Variants in MGAT4C observed in about 807,000 individuals in gnomAD.
MGAT4C encodes alpha-1,3-mannosyl-glycoprotein 4-beta-N-acetylglucosaminyltransferase C.
In MGAT4C, 19 loss-of-function variants were observed where a neutral mutation model predicts 40.1. The observed-to-expected ratio is 0.47, with a 90% CI of 0.33 to 0.70. MGAT4C has a LOEUF of 0.70. Among genes scored for constraint, MGAT4C ranks in the 30% least tolerant of loss-of-function variants. The probability of loss-of-function intolerance (pLI) is 0.02; values close to 1 mark genes in which losing one functional copy is unlikely to be tolerated. For synonymous variants in MGAT4C, 181 were observed against 187.1 expected, an observed-to-expected ratio of 0.97 and a Z score of 0.27; for missense variants, 491 against 563.2, an observed-to-expected ratio of 0.87 and a Z score of 1.30.
rs1228369351 is a variant in MGAT4C at position 85,977,916 on chromosome 12, G to A, written c.*1373C>T. The A allele has an allele frequency of 2.7e-5, 4 of 150,174 alleles. No homozygotes were observed. In the East Asian group the frequency reaches 7.8e-4, roughly 29 times the overall value. 9.3% of individuals were successfully genotyped at this position (150,174 alleles called of 1,614,324 possible). A position where few individuals can be genotyped will look rare whatever the true frequency, so the allele number is the denominator to read the frequency against. ...ATTTCCCTTTATAATAAATCCCTTA[G>A]TTTTTGCTGTTCATTAAAAAACAAA... On this transcript the variant is annotated 3_prime_UTR_variant, in exon 5 of 5. Transcript: ENST00000611864.
At chr12:86,278,088 T>G (rs1208938795) in intron 4 of MGAT4C, among the ~76,000 whole-genome samples, 1 of 152,020 alleles carries the variant, frequency 6.6e-6, no homozygotes, top group Non-Finnish European at 1.5e-5. Flanking sequence ...ATACAGTTTT[T>G]ATTGCAGAGA....
intron 1 of MGAT4C, among the ~76,000 whole-genome samples, chr12:86,136,022 G>T (rs1221653562): frequency 6.6e-6 from 1 of 152,038 alleles, no homozygotes; most frequent in Admixed American, 6.6e-5. Flanking sequence ...AACAACTCAA[G>T]AATTTATATT....
chr12:86,426,994 G>A (rs1956939622), intron 3 of MGAT4C, among the ~76,000 whole-genome samples: 1 of 152,156 alleles, frequency 6.6e-6, no homozygotes. Flanking sequence ...TCACATCTAA[G>A]TATCCTGCTC....
rs572510113 is a variant in MGAT4C at position 86,027,779 on chromosome 12, T to A, written c.-7+21895A>T. ...TTTCAATGCCCCATGGCCCTCATTA[T>A]AGCTTTTACTATAATGTTCCAGAGA... On this transcript the variant is annotated intron_variant, in intron 2 of 4. Coordinates refer to ENST00000611864, the MANE Select transcript of MGAT4C (RefSeq NM_001351288.2). 1.1e-4 allele frequency among the ~76,000 whole-genome samples: 16 copies of A among 152,142 alleles called. No homozygotes were observed. In the South Asian group the frequency reaches 2.7e-3, roughly 26 times the overall value.
chr12:86,019,665 G>A (rs1889461526), intron 2 of MGAT4C, among the ~76,000 whole-genome samples: 1 of 152,124 alleles, frequency 6.6e-6, no homozygotes, highest in Non-Finnish European at 1.5e-5. Flanking sequence ...GATAGACTTG[G>A]CAATGTGGGC....
intron 2 of MGAT4C, among the ~76,000 whole-genome samples, chr12:86,588,860 C>G (rs10776988): frequency 5.3e-5 from 8 of 151,120 alleles, no homozygotes; most frequent in Non-Finnish European, 8.9e-5. Flanking sequence ...CCAACGAGAA[C>G]AAAGACACAA....
At chr12:86,069,948 C>A (rs893959730) in intron 1 of MGAT4C, among the ~76,000 whole-genome samples, 1 of 152,020 alleles carries the variant, frequency 6.6e-6, no homozygotes. Context: ...TATTGCTAAA[C>A]AGTTGCCAAT....
intron 2 of MGAT4C, among the ~76,000 whole-genome samples, chr12:86,472,824 G>A (rs1427967821): frequency 6.6e-6 from 1 of 152,096 alleles, no homozygotes. Context: ...AATTACAGTC[G>A]AGTTAAAAGA....
chr12:86,598,750 G>A (rs1245368643), intron 2 of MGAT4C, among the ~76,000 whole-genome samples: 3 of 151,952 alleles, frequency 2.0e-5, no homozygotes, highest in Non-Finnish European at 2.9e-5. Flanking sequence ...TATTATTCAC[G>A]ATACTAAAAC....
chr12:86,039,191 TGTGTCTTG>T (rs1565895451), intron 2 of MGAT4C, among the ~76,000 whole-genome samples: 1 of 152,188 alleles, frequency 6.6e-6, no homozygotes, highest in African/African-American at 2.4e-5. Flanking sequence ...CTGATGATTA[TGTGTCTTG>T]GGGTTGCTCT....
At chr12:86,606,100 G>A (rs993308043) in intron 2 of MGAT4C, among the ~76,000 whole-genome samples, 3 of 151,872 alleles carry the variant, frequency 2.0e-5, no homozygotes, top group Admixed American at 6.6e-5. Context: ...ATTAGATCTC[G>A]TGAAAACTCA....
intron 1 of MGAT4C, among the ~76,000 whole-genome samples, chr12:86,200,929 G>A (rs1223962139): frequency 6.6e-6 from 1 of 152,178 alleles, no homozygotes; most frequent in Admixed American, 6.5e-5. Flanking sequence ...GGCCATGTGA[G>A]GACATGGTGA....
chr12:86,078,292 G>A (rs1455792182), intron 1 of MGAT4C, among the ~76,000 whole-genome samples: 1 of 152,158 alleles, frequency 6.6e-6, no homozygotes, highest in Non-Finnish European at 1.5e-5. Flanking sequence ...CAATCAAGCT[G>A]CTTCAGGATG....
At chr12:86,583,909 A>C (rs1960896039) in intron 2 of MGAT4C, among the ~76,000 whole-genome samples, 1 of 151,056 alleles carries the variant, frequency 6.6e-6, no homozygotes, top group East Asian at 1.9e-4. Context: ...TTGGCAGCTA[A>C]ATTTTAGACT....
chr12:86,228,963 T>C (rs1056240722), intron 1 of MGAT4C, among the ~76,000 whole-genome samples: 2 of 151,900 alleles, frequency 1.3e-5, no homozygotes. Flanking sequence ...TGGCTTCTTA[T>C]GTCTGGAGGG....
At chr12:86,506,384 A>G (rs924018149) in intron 2 of MGAT4C, among the ~76,000 whole-genome samples, 13 of 152,182 alleles carry the variant, frequency 8.5e-5, no homozygotes, top group Non-Finnish European at 1.5e-4. Flanking sequence ...ATCAAAGAAA[A>G]CCAGAAATTA....
intron 1 of MGAT4C, among the ~76,000 whole-genome samples, chr12:86,212,251 A>T (rs1255043339): frequency 2.0e-5 from 3 of 152,166 alleles, no homozygotes; most frequent in African/African-American, 7.2e-5. Flanking sequence ...AACCCTACTA[A>T]CATTCTAATC....
At chr12:86,837,155 A>C (rs1379787230) in intron 1 of MGAT4C, among the ~76,000 whole-genome samples, 9 of 152,094 alleles carry the variant, frequency 5.9e-5, no homozygotes, top group Non-Finnish European at 1.3e-4. Context: ...CTTTAAAGTG[A>C]GTGGAGGGAA....
chr12:86,145,817 A>C (rs980775011), intron 1 of MGAT4C, among the ~76,000 whole-genome samples: 48 of 152,328 alleles, frequency 3.2e-4, no homozygotes, highest in Admixed American at 3.1e-3. Flanking sequence ...AGGCAAAAAT[A>C]GAGTTTCTCC....
Sources: allele counts gnomAD v4.1 joint callset (sites outside exome capture counted in the v4.1 genomes callset), GRCh38; gene constraint gnomAD v4.1.1; transcripts MANE v1.5; gene names NCBI Gene and HGNC (gene_info 2026-07-23, HGNC 2026-07-21).